GYG2: variants seen among roughly 807,000 people sequenced by gnomAD.
GYG2 encodes glycogenin 2.
GYG2 carries 29 observed loss-of-function variants against 29.4 expected under a neutral mutation model. The ratio of observed to expected loss-of-function variants is 0.99; its 90% CI spans 0.74 to 1.35. GYG2 has a LOEUF of 1.35. Ranked by LOEUF, GYG2 falls within the 40% of genes most tolerant of loss-of-function variation. The pLI is 0.00. For missense variants in GYG2, 370 were observed against 385.7 expected (o/e 0.96, Z 0.34); for synonymous variants, 167 against 172.3 (o/e 0.97, Z 0.24).
chrX:2,877,836 A>T (rs774637299), intron 10 of GYG2: 1 of 749,003 alleles, frequency 1.3e-6, no homozygotes, highest in African/African-American at 2.3e-5. Context: ...CTTGCTCTTT[A>T]AGCATGATCT....
intron 10 of GYG2, among the ~76,000 whole-genome samples, chrX:2,878,842 A>T (rs2088656352): frequency 1.8e-5 from 2 of 111,962 alleles, no homozygotes; most frequent in African/African-American, 6.5e-5. Context: ...GTTTTCTTGG[A>T]TACTCATCTC....
intron 10 of GYG2, chrX:2,877,604 T>A (rs1309845859): frequency 1.3e-6 from 1 of 751,901 alleles, no homozygotes; most frequent in Non-Finnish European, 1.6e-6. Context: ...TGGAAATTAA[T>A]GCGTAGCAAT....
chrX:2,878,601 G>A (rs2088651566), intron 10 of GYG2, among the ~76,000 whole-genome samples: 1 of 111,173 alleles, frequency 9.0e-6, no homozygotes, highest in Non-Finnish European at 1.9e-5. Context: ...GTGTTCATGA[G>A]GTGGAGACTG....
chrX:2,857,271 ATATC>A (rs1248921798), intron 6 of GYG2, among the ~76,000 whole-genome samples: 29 of 69,306 alleles, frequency 4.2e-4, no homozygotes, highest in African/African-American at 1.8e-3. Context: ...ATAGATCTGG[ATATC>A]TATCTATAAA....
intron 8 of GYG2, among the ~76,000 whole-genome samples, chrX:2,864,015 G>A (rs993084856): frequency 8.9e-6 from 1 of 112,135 alleles, no homozygotes; most frequent in African/African-American, 3.2e-5. Context: ...GGCATTCAAG[G>A]CTCATGCTTT....
rs773426416 is a variant in GYG2 at position 2,844,578 on chromosome X, G to A, written c.149+1224G>A. The stretch of plus-strand genomic sequence containing the variant: ...CATGCGTATATGTGTATACGCACAC[G>A]CATGCGTATATGTGTATACGCACAC... On this transcript the variant is annotated intron_variant, in intron 3 of 10. Transcript: ENST00000398806. 4.5e-4 allele frequency among the ~76,000 whole-genome samples: 26 copies of A among 57,671 alleles called. 2 individuals carry two copies. The highest frequency in any genetic ancestry group is 2.1e-4 in the African/African-American group (3 of 14,288). 50.1% of individuals were successfully genotyped at this position (57,671 alleles called of 115,157 possible).
At position 2,859,097 on chromosome X, in the gene GYG2, A is replaced by G. The variant is rs768798307; in HGVS notation, c.615-746A>G. On this transcript the variant is annotated intron_variant, in intron 6 of 10. Coordinates refer to ENST00000398806, the MANE Select transcript of GYG2 (RefSeq NM_001079855.2). The stretch of plus-strand genomic sequence containing the variant: ...AACTGCAAAAACTGTGATTTAAAAA[A>G]TATATCTTTATGCAAAATAACTGCA... 7.1e-5 allele frequency among the ~76,000 whole-genome samples: 8 copies of G among 112,159 alleles called. No homozygotes were observed. In the South Asian group the frequency reaches 3.0e-3, roughly 42 times the overall value.
intron 10 of GYG2, among the ~76,000 whole-genome samples, chrX:2,880,654 TC>T (rs1240866565): frequency 8.9e-6 from 1 of 111,976 alleles, no homozygotes; most frequent in Non-Finnish European, 1.9e-5. Context: ...ACACCTGCAA[TC>T]CCAGCTCACT....
Position 2,837,838 on chromosome X carries a change from TACACACACAC to T in GYG2, c.8-5353_8-5344del, listed in dbSNP as rs10578668. On this transcript the variant is annotated intron_variant, in intron 2 of 10. Coordinates refer to ENST00000398806, the MANE Select transcript of GYG2 (RefSeq NM_001079855.2). ...CTTTGCCATCTGCTTTGCAATTAAATACACACACACACACACACACACACACACACATACA... is the reference window on the plus strand; with the variant it reads ...CTTTGCCATCTGCTTTGCAATTAAATACACACACACACACACACACATACA... Among the ~76,000 whole-genome samples, 434 of 100,252 alleles carry T rather than the reference TACACACACAC, an allele frequency of 4.3e-3. 1 individual carries two copies. The highest frequency in any genetic ancestry group is 0.02 in the Middle Eastern group (4 of 198). The allele number at this position is 100,252 out of a possible 115,157, so 87.1% of individuals were successfully genotyped here. A position where few individuals can be genotyped will look rare whatever the true frequency, so the allele number is the denominator to read the frequency against.
intron 8 of GYG2, among the ~76,000 whole-genome samples, chrX:2,862,568 A>C (rs1335471722): frequency 9.0e-6 from 1 of 111,524 alleles, no homozygotes; most frequent in Non-Finnish European, 1.9e-5. Context: ...TGAAGTGAAG[A>C]TGAATTCCTG....
intron 3 of GYG2, among the ~76,000 whole-genome samples, chrX:2,852,288 G>T (rs776698661): frequency 2.8e-4 from 31 of 111,551 alleles, no homozygotes; most frequent in Non-Finnish European, 2.4e-4. Flanking sequence ...GTAGGCTCAT[G>T]AATATTTATT....
intron 8 of GYG2, among the ~76,000 whole-genome samples, chrX:2,863,366 G>A (rs1569069313): frequency 9.0e-6 from 1 of 111,695 alleles, no homozygotes; most frequent in Non-Finnish European, 1.9e-5. Flanking sequence ...GAACCACCAC[G>A]CCCGGCAAGA....
intron 3 of GYG2, among the ~76,000 whole-genome samples, chrX:2,845,047 G>GTATATATACACGTGTGTATGTATA (rs2087643861): frequency 2.1e-5 from 1 of 48,771 alleles, no homozygotes; most frequent in African/African-American, 7.0e-5. Flanking sequence ...ACATGTGTAT[G>GTATATATACACGTGTGTATGTATA]TATATATACA....
intron 3 of GYG2, chrX:2,853,708 TA>T: frequency 3.6e-6 from 1 of 275,482 alleles, no homozygotes; most frequent in Non-Finnish European, 6.4e-6. Flanking sequence ...ATTACTAAAG[TA>T]ATATATTAAT....
chrX:2,876,733 G>A (rs781092173), intron 9 of GYG2, among the ~76,000 whole-genome samples: 1 of 110,030 alleles, frequency 9.1e-6, no homozygotes, highest in South Asian at 4.1e-4. Context: ...CGGATCATGA[G>A]GTCAGGAGAT....
chrX:2,854,232 T>C (rs748188591), intron 4 of GYG2, 78 bp downstream of exon 4: 1 of 730,132 alleles, frequency 1.4e-6, no homozygotes, highest in Non-Finnish European at 2.0e-6. Context: ...CAACTTTTTT[T>C]TGTGTGTGTG....
chrX:2,856,772 CTATCT>C (rs1318544133), intron 6 of GYG2, 148 bp downstream of exon 6: 34 of 391,444 alleles, frequency 8.7e-5, no homozygotes, highest in South Asian at 4.1e-4. Flanking sequence ...ATCTATCTAT[CTATCT>C]ATCTATCTAT....
chrX:2,846,318 C>G (rs912960188), intron 3 of GYG2, among the ~76,000 whole-genome samples: 1 of 106,870 alleles, frequency 9.4e-6, no homozygotes, highest in Non-Finnish European at 1.9e-5. Flanking sequence ...CTGCCCGCCT[C>G]CGCCTCCCAA....
At chrX:2,877,731 G>A (rs2088634371) in intron 10 of GYG2, 1 of 752,932 alleles carries the variant, frequency 1.3e-6, no homozygotes, top group South Asian at 6.7e-5. Flanking sequence ...AATGAGAGAT[G>A]CATGCTTTCT....
Sources: gnomAD v4.1 joint callset for allele counts (sites outside exome capture counted in the v4.1 genomes callset) on GRCh38, gnomAD v4.1.1 for gene constraint, MANE v1.5 for transcripts, NCBI Gene and HGNC (gene_info 2026-07-23, HGNC 2026-07-21) for gene names.